The following ENDOV variants were observed in gnomAD, a reference collection of about 807,000 sequenced individuals.
ENDOV encodes hEndoV.
Under a neutral mutation model 39.4 loss-of-function variants are expected in ENDOV, and 37 were observed. The ratio of observed to expected loss-of-function variants is 0.94; its 90% CI spans 0.72 to 1.23. The LOEUF is 1.23. Ranked by LOEUF, ENDOV falls within the 50% of genes most tolerant of loss-of-function variation. The pLI, the probability that ENDOV is intolerant of heterozygous loss-of-function variation, is 0.00. For missense variants in ENDOV, 441 were observed against 375.7 expected, an observed-to-expected ratio of 1.17 and a Z score of -1.44; for synonymous variants, 186 against 163.4, an observed-to-expected ratio of 1.14 and a Z score of -1.05.
At chr17:80,421,695 G>C in intron 2 of ENDOV, 133 bp from the exon 3 acceptor site, 1 of 1,199,092 alleles carries the variant, frequency 8.3e-7, no homozygotes, top group Non-Finnish European at 1.2e-6. Flanking sequence ...TCTCATAGGT[G>C]AGGCAGGGAA....
Position 80,423,347 on chromosome 17 carries a change from A to C in ENDOV, c.404-173A>C, listed in dbSNP as rs184691249. On this transcript the variant is annotated intron_variant, in intron 4 of 9. Coordinates refer to ENST00000518137, the MANE Select transcript of ENDOV (RefSeq NM_173627.5). ...GCCTTGCACCCAGGACATCGGGCAC[A>C]GGGGGCTTTCGCCCAGGTCTGCTTG... Among the ~76,000 whole-genome samples the C allele has an allele frequency of 8.5e-5, 13 of 152,348 alleles. No individual in the cohort carries two copies. The East Asian group carries it at 2.5e-3, about 29-fold the overall frequency.
chr17:80,424,206 C>T (rs1471261015), intron 5 of ENDOV: 3 of 399,474 alleles, frequency 7.5e-6, no homozygotes, highest in Non-Finnish European at 1.3e-5. Flanking sequence ...ATTCTGAGAG[C>T]AGAGACTGTG....
chr17:80,433,465 GCTCC>G (rs1390069222), intron 9 of ENDOV, among the ~76,000 whole-genome samples: 1 of 152,220 alleles, frequency 6.6e-6, no homozygotes, highest in Non-Finnish European at 1.5e-5. Context: ...TGAGCTGGCA[GCTCC>G]TCACGCCATC....
intron 9 of ENDOV, chr17:80,430,069 T>G: frequency 6.5e-7 from 1 of 1,535,758 alleles, no homozygotes; most frequent in Non-Finnish European, 8.7e-7. Context: ...AAAGACAGGC[T>G]GACCGCACCA....
rs1035491909 is a variant in ENDOV, at chr17:80,436,520, A to G, written c.*377A>G. ...TTTGTCAAATGCTTTTCTGGCCTCT[A>G]TTGAAAAGATCCTGTGTTCTTCTGT... On this transcript the variant is annotated 3_prime_UTR_variant, in exon 10 of 10. Coordinates refer to ENST00000518137, the MANE Select transcript of ENDOV (RefSeq NM_173627.5). 1.1e-5 allele frequency: 5 copies of G among 439,160 alleles called. No individual in the cohort carries two copies. Among genetic ancestry groups the G allele is most frequent in the South Asian group, 9.1e-5 (4 of 43,774 alleles). 27.2% of individuals were successfully genotyped at this position (439,160 alleles called of 1,614,324 possible). A position where few individuals can be genotyped will look rare whatever the true frequency, so the allele number is the denominator to read the frequency against.
intron 2 of ENDOV, chr17:80,419,613 G>A (rs1360700094): frequency 1.0e-5 from 7 of 702,912 alleles, no homozygotes; most frequent in Admixed American, 6.0e-5. Flanking sequence ...AAAACAGAAC[G>A]GATCTTCCCT....
At chr17:80,426,987 G>A (rs534471654) in intron 7 of ENDOV, among the ~76,000 whole-genome samples, 2 of 152,360 alleles carry the variant, frequency 1.3e-5, no homozygotes, top group South Asian at 2.1e-4. Context: ...CCGCAGCACC[G>A]GTGGAAAACC....
intron 2 of ENDOV, chr17:80,417,539 G>T (rs960896640): frequency 2.0e-5 from 3 of 152,280 alleles, no homozygotes; most frequent in African/African-American, 7.2e-5. Flanking sequence ...CAATCAGGTT[G>T]TGGTGACGGC....
chr17:80,430,303 C>G (rs1172170984), intron 9 of ENDOV: 7 of 1,511,214 alleles, frequency 4.6e-6, no homozygotes, highest in Non-Finnish European at 6.2e-6. Context: ...CTGTGCTTTG[C>G]CCACCCCTTT....
intron 2 of ENDOV, chr17:80,420,033 G>A (rs542820190): frequency 8.2e-4 from 212 of 258,802 alleles, no homozygotes; most frequent in African/African-American, 4.4e-3. Flanking sequence ...TTGGACACCT[G>A]TATTCCTTCT....
rs370672357 is a variant in ENDOV, at chr17:80,421,980, A to G, written c.363+18A>G. The G allele has an allele frequency of 4.3e-4, 692 of 1,605,426 alleles. No homozygotes were observed. Among genetic ancestry groups the G allele is most frequent in the Non-Finnish European group, 5.6e-4 (661 of 1,179,386 alleles). ...TGCCCCAGGCAGGTGTCTCATCCCT[A>G]GGACGAGAGAAAGGTCCCTCCTTCC... On this transcript the variant is annotated intron_variant, in intron 3 of 9. Transcript: ENST00000518137.
At position 80,415,260 on chromosome 17, in the gene ENDOV, T is replaced by C. The variant is rs2080919607; in HGVS notation, c.56+10T>C. 13 of 1,613,038 alleles carry C rather than the reference T, an allele frequency of 8.1e-6. No individual in the cohort carries two copies. The highest frequency in any genetic ancestry group is 1.1e-5 in the Non-Finnish European group (13 of 1,179,610). On this transcript the variant is annotated intron_variant, in intron 1 of 9. Transcript: ENST00000518137. The stretch of plus-strand genomic sequence containing the variant: ...TGTCACTGTGGAAACGGTAATGCTG[T>C]CAGGCGACGCGCAGGAGGCGGGGGC...
intron 9 of ENDOV, among the ~76,000 whole-genome samples, chr17:80,432,922 T>G (rs553546656): frequency 6.6e-6 from 1 of 151,920 alleles, no homozygotes; most frequent in Non-Finnish European, 1.5e-5. Context: ...ACCTCCTGAG[T>G]CAAAGGGCTC....
At chr17:80,427,373 G>A (rs973351561) in intron 7 of ENDOV, 98 of 968,876 alleles carry the variant, frequency 1.0e-4, no homozygotes, top group Non-Finnish European at 1.2e-4. Flanking sequence ...CTGCCTCAGC[G>A]CGCCCCAGAG....
chr17:80,423,674 G>T, intron 5 of ENDOV, 42 bp downstream of exon 5: 2 of 1,533,084 alleles, frequency 1.3e-6, no homozygotes, highest in Non-Finnish European at 1.8e-6. Flanking sequence ...GCAGCTCAGT[G>T]GCGGGGCTGT....
chr17:80,430,373 ATATT>A (rs2145125258), intron 9 of ENDOV: 1 of 1,492,998 alleles, frequency 6.7e-7, no homozygotes, highest in Non-Finnish European at 8.9e-7. Context: ...TTTATTTCAC[ATATT>A]TGTTTGTTTG....
intron 2 of ENDOV, chr17:80,416,265 G>A (rs1033779853): frequency 6.3e-6 from 1 of 157,484 alleles, no homozygotes; most frequent in South Asian, 1.5e-4. Context: ...AAAAAAGTCT[G>A]GGGAGTCTTG....
intron 9 of ENDOV, among the ~76,000 whole-genome samples, chr17:80,434,646 G>T (rs937914885): frequency 2.0e-5 from 3 of 152,190 alleles, no homozygotes; most frequent in Non-Finnish European, 4.4e-5. Context: ...CCTTGGAGTA[G>T]AAACTGGTGT....
rs112599698 is a variant in ENDOV, at chr17:80,436,277, G to A, written c.*134G>A. The A allele has an allele frequency of 1.3e-5, 20 of 1,554,276 alleles. No homozygotes were observed. Among genetic ancestry groups the A allele is most frequent in the Middle Eastern group, 4.2e-4 (2 of 4,814 alleles). On this transcript the variant is annotated 3_prime_UTR_variant, in exon 10 of 10. Transcript: ENST00000518137. Reference sequence around the variant, plus strand: ...CCTCGTCTCGTTCCTGATCGAACGCGGTGGTGAGAGCACACGTCCTCGTCT... The same window carrying A: ...CCTCGTCTCGTTCCTGATCGAACGCAGTGGTGAGAGCACACGTCCTCGTCT...
Sources: gnomAD v4.1 joint callset for allele counts (sites outside exome capture counted in the v4.1 genomes callset) on GRCh38, gnomAD v4.1.1 for gene constraint, MANE v1.5 for transcripts, NCBI Gene and HGNC (gene_info 2026-07-23, HGNC 2026-07-21) for gene names.